Variants in TET3 observed in about 807,000 individuals in gnomAD.
The protein encoded by TET3 is methylcytosine dioxygenase TET3.
TET3 carries 19 observed loss-of-function variants against 141.4 expected under a neutral mutation model. The observed-to-expected ratio is 0.13, with a 90% CI of 0.09 to 0.20. The LOEUF is 0.20. Ranked by LOEUF, TET3 falls within the 10% of genes least tolerant of loss-of-function variation. TET3 has a pLI of 1.00. For synonymous variants in TET3, 1,043 were observed against 980.9 expected, an observed-to-expected ratio of 1.06 and a Z score of -1.18; for missense variants, 1,874 against 2,356.9, an observed-to-expected ratio of 0.80 and a Z score of 4.24.
chr2:74,099,645 C>T, intron 11 of TET3, 33 bp downstream of exon 11: 1 of 1,511,612 alleles, frequency 6.6e-7, no homozygotes, highest in Non-Finnish European at 8.9e-7. Flanking sequence ...CTTGGAGTCA[C>T]AATGGCACTG....
rs370044122 is a variant in TET3, at chr2:74,101,555, C to T, written c.4767C>T (p.Ser1589=). The T allele has an allele frequency of 1.9e-5, 31 of 1,608,874 alleles. No individual in the cohort carries two copies. Among genetic ancestry groups the T allele is most frequent in the Middle Eastern group, 1.7e-4 (1 of 5,966 alleles). The change falls in exon 12 of 12, where the codon AGC becomes AGT. Residue 1589 remains serine, a synonymous_variant. Coordinates refer to ENST00000409262, the MANE Select transcript of TET3 (RefSeq NM_001287491.2). This position sits in a 1 kb window ranked among gnomAD's most constrained non-coding sequence, Gnocchi z 8.5. ...WQSFGLPLGS[S]EKLFGALKSE... is the part of the protein sequence containing the mutation. ...CCTTTGGTCTGCCCCTGGGATCCAG[C>T]GAGAAGCTGTTTGGGGCTCTGAAGT...
Position 74,046,573 on chromosome 2 carries a change from G to A in TET3, c.656G>A (p.Arg219Gln), listed in dbSNP as rs765289823. The A allele has an allele frequency of 2.2e-5, 35 of 1,613,900 alleles. No homozygotes were observed. Among genetic ancestry groups the A allele is most frequent in the South Asian group, 4.4e-5 (4 of 91,094 alleles). Reference sequence around the variant, plus strand: ...TCCTCTTATGGGGCCCTTAGCACCCGGCTCTATGAAACCTTCAACCGTGAG... The same window carrying A: ...TCCTCTTATGGGGCCCTTAGCACCCAGCTCTATGAAACCTTCAACCGTGAG... ...AVSSYGALST[R>Q]LYETFNREMS... The change falls in exon 4 of 12, where the codon CGG (arginine) becomes CAG (glutamine). Residue 219 changes from arginine (R) to glutamine (Q), a missense_variant. This residue lies in a region of TET3 where 366 missense variants were observed against 487.0 expected (regional missense o/e 0.75). Coordinates refer to ENST00000409262, the MANE Select transcript of TET3 (RefSeq NM_001287491.2). The surrounding 1 kb of genome is among the most constrained non-coding windows in gnomAD (Gnocchi z 4.3).
At chr2:74,109,782 A>G (rs775375185), downstream of TET3, among the ~76,000 whole-genome samples, 6 of 152,182 alleles carry the variant, frequency 3.9e-5, no homozygotes, top group Non-Finnish European at 8.8e-5. Context: ...GAAATGAGCA[A>G]TTTGTTCCAG....
chr2:74,007,876 T>G (rs1322644694), intron 3 of TET3, among the ~76,000 whole-genome samples: 1 of 152,212 alleles, frequency 6.6e-6, no homozygotes, highest in Non-Finnish European at 1.5e-5. Flanking sequence ...ACTTACTTTG[T>G]ACAGCGAGTT....
intron 4 of TET3, among the ~76,000 whole-genome samples, chr2:74,052,149 T>G (rs1337823993): frequency 6.6e-6 from 1 of 152,076 alleles, no homozygotes; most frequent in Non-Finnish European, 1.5e-5. Flanking sequence ...CTGGCTAACT[T>G]CTTGTATTTT....
chr2:74,013,788 G>A (rs1251991877), intron 3 of TET3, among the ~76,000 whole-genome samples: 1 of 152,088 alleles, frequency 6.6e-6, no homozygotes, highest in African/African-American at 2.4e-5. Context: ...CTCCAGCCTG[G>A]GCGACAGAGC....
At chr2:73,995,552 C>T (rs1033306630) in intron 2 of TET3, among the ~76,000 whole-genome samples, 1 of 152,136 alleles carries the variant, frequency 6.6e-6, no homozygotes, top group African/African-American at 2.4e-5. Flanking sequence ...TTGCCATCGG[C>T]CACAGGTAGC....
At chr2:74,117,077 G>C in the TET3 span, among the ~76,000 whole-genome samples, 33 of 152,296 alleles carry the variant, frequency 2.2e-4, no homozygotes, top group African/African-American at 7.7e-4. Flanking sequence ...ATTGGGAGCA[G>C]AAGAGGTGGT....
In TET3 at chr2:73,985,814, C is replaced by T. The variant is rs370568540; in HGVS notation, c.-424-166C>T. Reference sequence around the variant, plus strand: ...CAGGCCCGAGGCCGCCTCCCTCAGACAGGGAGCGGGTGCTGGGTGCGTCCT... The same window carrying T: ...CAGGCCCGAGGCCGCCTCCCTCAGATAGGGAGCGGGTGCTGGGTGCGTCCT... On this transcript the variant is annotated intron_variant, in intron 1 of 11. Coordinates refer to ENST00000409262, the MANE Select transcript of TET3 (RefSeq NM_001287491.2). 1.1e-4 allele frequency among the ~76,000 whole-genome samples: 16 copies of T among 151,890 alleles called. No homozygotes were observed. The East Asian group carries it at 2.5e-3, about 24-fold the overall frequency.
At chr2:74,019,756 G>A (rs1332142177) in intron 3 of TET3, among the ~76,000 whole-genome samples, 1 of 152,158 alleles carries the variant, frequency 6.6e-6, no homozygotes, top group Non-Finnish European at 1.5e-5. Context: ...AACAGATTGG[G>A]CACCCTCCTT....
intron 3 of TET3, among the ~76,000 whole-genome samples, chr2:74,013,908 A>G (rs1401181930): frequency 6.6e-6 from 1 of 152,158 alleles, no homozygotes; most frequent in East Asian, 1.9e-4. Context: ...ATGTTATCAA[A>G]TATTTACTTT....
chr2:74,036,041 G>A (rs1043181905), intron 3 of TET3, among the ~76,000 whole-genome samples: 2 of 152,148 alleles, frequency 1.3e-5, no homozygotes, highest in Non-Finnish European at 2.9e-5. Context: ...GCTAAACCCC[G>A]TCGGCACTTG....
At chr2:74,034,506 C>T (rs980034873) in intron 3 of TET3, among the ~76,000 whole-genome samples, 13 of 147,058 alleles carry the variant, frequency 8.8e-5, no homozygotes, top group African/African-American at 3.3e-4. Flanking sequence ...CTGTACAATA[C>T]ATTTAATTTT....
chr2:74,088,637 TCAAAAA>T (rs1255720140), intron 7 of TET3, among the ~76,000 whole-genome samples: 1 of 152,106 alleles, frequency 6.6e-6, no homozygotes, highest in East Asian at 1.9e-4. Flanking sequence ...AGACTCTGTC[TCAAAAA>T]CAAAAACAAA....
chr2:74,092,869 G>A, intron 8 of TET3, 33 bp from the exon 9 acceptor site: 2 of 1,549,352 alleles, frequency 1.3e-6, no homozygotes, highest in Non-Finnish European at 8.8e-7. Flanking sequence ...AGGCGGGGCT[G>A]CTCTGGATGT....
intron 3 of TET3, among the ~76,000 whole-genome samples, chr2:74,009,041 G>A (rs956276598): frequency 5.3e-5 from 8 of 152,256 alleles, no homozygotes; most frequent in East Asian, 3.9e-4. Context: ...GAGCCCTGCC[G>A]ACTGAGTGTT....
chr2:74,041,833 T>C (rs1463509443), intron 3 of TET3, among the ~76,000 whole-genome samples: 1 of 152,238 alleles, frequency 6.6e-6, no homozygotes, highest in Admixed American at 6.5e-5. Context: ...GCTGCTATTA[T>C]GTGCTTCTTC....
chr2:73,988,198 C>T (rs1233486785), intron 2 of TET3, among the ~76,000 whole-genome samples: 2 of 152,164 alleles, frequency 1.3e-5, no homozygotes, highest in Non-Finnish European at 2.9e-5. Flanking sequence ...CTACTGAAAG[C>T]AGGGTGTTAT....
At chr2:74,080,274 C>T (rs936042670) in intron 5 of TET3, among the ~76,000 whole-genome samples, 9 of 152,164 alleles carry the variant, frequency 5.9e-5, no homozygotes, top group South Asian at 2.1e-4. Context: ...GCCCGATGGG[C>T]GGGAGCAGAG....
Sources: allele counts gnomAD v4.1 joint callset (sites outside exome capture counted in the v4.1 genomes callset), GRCh38; gene constraint gnomAD v4.1.1; regional missense constraint gnomAD v4.1.1; non-coding constraint Gnocchi (gnomAD v3.1); transcripts MANE v1.5; gene names NCBI Gene and HGNC (gene_info 2026-07-23, HGNC 2026-07-21).